Variants in RIC1 observed in about 807,000 individuals in gnomAD.
The protein encoded by RIC1 is guanine nucleotide exchange factor subunit RIC1.
RIC1 carries 88 observed loss-of-function variants against 169.0 expected under a neutral mutation model. The observed-to-expected ratio is 0.52, with a 90% CI of 0.44 to 0.62. The LOEUF (loss-of-function observed/expected upper bound fraction) is 0.62, where lower values mean the gene tolerates loss of function less well. Ranked by LOEUF, RIC1 falls within the 20% of genes least tolerant of loss-of-function variation. The pLI, the probability that RIC1 is intolerant of heterozygous loss-of-function variation, is 0.00. For synonymous variants in RIC1, 790 were observed against 601.5 expected, an observed-to-expected ratio of 1.31 and a Z score of -4.59; for missense variants, 1,877 against 1,725.5, an observed-to-expected ratio of 1.09 and a Z score of -1.56.
At chr9:5,678,802 C>A (rs1439636898) in intron 2 of RIC1, among the ~76,000 whole-genome samples, 2 of 152,098 alleles carry the variant, frequency 1.3e-5, no homozygotes, top group Admixed American at 1.3e-4. Flanking sequence ...GTTGCCTGTT[C>A]ACTCTGATGG....
chr9:5,762,361 G>C (rs909023135), intron 17 of RIC1, among the ~76,000 whole-genome samples, 180 bp from the exon 18 acceptor site: 12 of 152,166 alleles, frequency 7.9e-5, no homozygotes, highest in African/African-American at 2.9e-4. Flanking sequence ...GTTAGGCTTT[G>C]TACCATCCTA....
chr9:5,739,327 G>C (rs560894901), intron 8 of RIC1, among the ~76,000 whole-genome samples: 4 of 152,262 alleles, frequency 2.6e-5, no homozygotes, highest in African/African-American at 9.6e-5. Flanking sequence ...AACTCCCCGA[G>C]CTGCAGCTTT....
chr9:5,753,329 G>C (rs911461438), intron 13 of RIC1, 91 bp downstream of exon 13: 6 of 1,161,534 alleles, frequency 5.2e-6, no homozygotes, highest in Non-Finnish European at 7.8e-6. Flanking sequence ...GGTGTACTGA[G>C]AAAAATAAAA....
rs541756950 is a variant in RIC1 at position 5,763,305 on chromosome 9, C to T, written c.2278C>T (p.Pro760Ser). The T allele has an allele frequency of 1.2e-6, 2 of 1,614,180 alleles. No individual in the cohort carries two copies. The highest frequency in any genetic ancestry group is 2.2e-5 in the East Asian group (1 of 44,880). ...LPLFPRDHRKPHSFLSQRIML... is the reference protein window; with the variant it reads ...LPLFPRDHRKSHSFLSQRIML... ...TCTCTTCCCTAGGGATCACCGCAAG[C>T]CCCATTCCTTCTTGTCCCAGCGGAT... is the stretch of plus-strand genomic sequence containing the variant. Residue 760 changes from proline to serine, a missense_variant, in exon 19 of 26, where the codon CCC (proline) becomes TCC (serine). Physicochemically the swap from Pro to Ser is moderately conservative, Grantham distance 74. Coordinates refer to ENST00000414202, the MANE Select transcript of RIC1 (RefSeq NM_020829.4). This position sits in a 1 kb window ranked among gnomAD's most constrained non-coding sequence, Gnocchi z 5.2.
intron 1 of RIC1, among the ~76,000 whole-genome samples, chr9:5,634,896 A>G (rs1467954262): frequency 1.3e-5 from 2 of 152,192 alleles, no homozygotes; most frequent in Middle Eastern, 3.4e-3. Context: ...TTGTGGGTAC[A>G]TAGTAGATCT....
chr9:5,763,577 C>T lies in RIC1; in HGVS notation c.2550C>T (p.Ser850=), dbSNP rs747168635. The T allele has an allele frequency of 6.2e-7, 1 of 1,614,162 alleles. No individual in the cohort carries two copies. The highest frequency in any genetic ancestry group is 1.7e-5 in the Admixed American group (1 of 60,016). ...LGEQALLLAQ[S]CATLPYFPHV... is the part of the protein sequence containing the mutation. Reference sequence around the variant, plus strand: ...AGCAAGCCTTGCTCTTGGCCCAGTCCTGTGCCACATTACCTTACTTCCCTC... The same window carrying T: ...AGCAAGCCTTGCTCTTGGCCCAGTCTTGTGCCACATTACCTTACTTCCCTC... Residue 850 remains serine, a synonymous_variant, in exon 19 of 26, where the codon TCC becomes TCT. Transcript: ENST00000414202. The surrounding 1 kb of genome is among the most constrained non-coding windows in gnomAD (Gnocchi z 5.2).
At chr9:5,756,440 G>A (rs1586698492) in intron 16 of RIC1, 68 bp downstream of exon 16, 8 of 1,099,262 alleles carry the variant, frequency 7.3e-6, no homozygotes, top group Non-Finnish European at 9.7e-6. Flanking sequence ...TGTAGTTTTT[G>A]TTTTCTCAAA....
chr9:5,648,596 C>T (rs1818648486), intron 1 of RIC1, among the ~76,000 whole-genome samples: 1 of 152,170 alleles, frequency 6.6e-6, no homozygotes, highest in Non-Finnish European at 1.5e-5. Context: ...GAGAAATCTT[C>T]ATACTGTTTT....
rs568378612 is a variant in RIC1, at chr9:5,651,817, C to G, written c.145-4766C>G. On this transcript the variant is annotated intron_variant, in intron 1 of 25. Coordinates refer to ENST00000414202, the MANE Select transcript of RIC1 (RefSeq NM_020829.4). ...TCCTGATCTCAAGTGATCTGCCCAC[C>G]TCGGCCTCCCAAAGTGCTGGGATTA... 4.3e-4 allele frequency among the ~76,000 whole-genome samples: 65 copies of G among 152,236 alleles called. 1 individual carries two copies. Among genetic ancestry groups the G allele is most frequent in the African/African-American group, 1.4e-3 (60 of 41,538 alleles).
chr9:5,679,084 C>A (rs1314822740), intron 2 of RIC1, among the ~76,000 whole-genome samples: 3 of 152,108 alleles, frequency 2.0e-5, no homozygotes, highest in Non-Finnish European at 4.4e-5. Flanking sequence ...TTTCCCAGCA[C>A]CATTTATTAA....
intron 6 of RIC1, among the ~76,000 whole-genome samples, chr9:5,726,089 T>G (rs1158091051): frequency 6.6e-6 from 1 of 152,204 alleles, no homozygotes; most frequent in Non-Finnish European, 1.5e-5. Context: ...CAGAGCTGAG[T>G]TCAATTCCTG....
At chr9:5,646,302 G>A (rs56945793) in intron 1 of RIC1, among the ~76,000 whole-genome samples, 2,066 of 152,136 alleles carry the variant, frequency 0.014, 54 homozygotes, top group African/African-American at 0.047. Context: ...CATGTATTCT[G>A]GGTATAATCC....
intron 17 of RIC1, among the ~76,000 whole-genome samples, chr9:5,759,944 A>G (rs1219681415): frequency 6.6e-6 from 1 of 152,220 alleles, no homozygotes. Flanking sequence ...AGAGTAGGCA[A>G]CCAGTGGCAT....
intron 4 of RIC1, among the ~76,000 whole-genome samples, chr9:5,717,502 C>T (rs1219895405): frequency 2.6e-5 from 4 of 152,032 alleles, no homozygotes; most frequent in East Asian, 1.9e-4. Context: ...CTGACCAATC[C>T]GGGAGAACAG....
chr9:5,715,897 A>G (rs775109688), intron 4 of RIC1, among the ~76,000 whole-genome samples: 1 of 150,926 alleles, frequency 6.6e-6, no homozygotes, highest in Non-Finnish European at 1.5e-5. Context: ...AATCACAGCT[A>G]ATTGCAGCGG....
intron 7 of RIC1, among the ~76,000 whole-genome samples, chr9:5,736,373 A>T (rs1015832167): frequency 6.6e-6 from 1 of 152,240 alleles, no homozygotes; most frequent in African/African-American, 2.4e-5. Context: ...GCTGTTTTGA[A>T]TTCAGAACAC....
At chr9:5,665,667 T>C (rs556421083) in intron 2 of RIC1, among the ~76,000 whole-genome samples, 5 of 152,326 alleles carry the variant, frequency 3.3e-5, no homozygotes, top group African/African-American at 1.2e-4. Flanking sequence ...TGTTTGTTTT[T>C]CTTTTAACAG....
chr9:5,744,724 C>A (rs1045577305), intron 10 of RIC1, among the ~76,000 whole-genome samples: 1 of 152,092 alleles, frequency 6.6e-6, no homozygotes, highest in Non-Finnish European at 1.5e-5. Flanking sequence ...AAAGTTGCAG[C>A]TATTGGAGCA....
chr9:5,741,496 A>C (rs997304393), intron 8 of RIC1, among the ~76,000 whole-genome samples: 5 of 152,084 alleles, frequency 3.3e-5, no homozygotes, highest in African/African-American at 1.2e-4. Flanking sequence ...ATTTTTTAAA[A>C]TTTTGTTTCT....
Sources: gnomAD v4.1 joint callset for allele counts (sites outside exome capture counted in the v4.1 genomes callset) on GRCh38, gnomAD v4.1.1 for gene constraint, Gnocchi (gnomAD v3.1) non-coding constraint, MANE v1.5 for transcripts, NCBI Gene and HGNC (gene_info 2026-07-23, HGNC 2026-07-21) for gene names.